Variants in GAL observed in about 807,000 individuals in gnomAD.
The protein encoded by GAL is galanin and GMAP prepropeptide, also known as galanin peptides.
In GAL, 14 loss-of-function variants were observed where a neutral mutation model predicts 15.8. The observed-to-expected ratio is 0.89, with a 90% CI of 0.59 to 1.39. The LOEUF (loss-of-function observed/expected upper bound fraction) is 1.39, where lower values mean the gene tolerates loss of function less well. GAL is among the 40% of genes most tolerant of loss of function. The probability of loss-of-function intolerance (pLI) is 0.00; values close to 1 mark genes in which losing one functional copy is unlikely to be tolerated. For missense variants in GAL, 176 were observed against 170.4 expected, an observed-to-expected ratio of 1.03 and a Z score of -0.18; for synonymous variants, 79 against 73.8, an observed-to-expected ratio of 1.07 and a Z score of -0.36.
At chr11:68,685,778 C>A in intron 3 of GAL, 130 bp downstream of exon 3, 1 of 708,454 alleles carries the variant, frequency 1.4e-6, no homozygotes, top group South Asian at 1.5e-5. Context: ...TTGCCCGTCT[C>A]CATTGCTCTG....
At chr11:68,690,896 A>ATGTG in intron 5 of GAL, 21 bp from the exon 6 acceptor site, 1 of 1,557,470 alleles carries the variant, frequency 6.4e-7, no homozygotes, top group Non-Finnish European at 8.9e-7. Flanking sequence ...TGCTGCTCAG[A>ATGTG]TGTGGCTCTT....
At chr11:68,687,056 T>A (rs1945860093) in intron 3 of GAL, among the ~76,000 whole-genome samples, 1 of 152,222 alleles carries the variant, frequency 6.6e-6, no homozygotes, top group African/African-American at 2.4e-5. Flanking sequence ...GCAATGTTTT[T>A]GCACCAGCTG....
At chr11:68,686,085 G>A (rs995205436) in intron 3 of GAL, among the ~76,000 whole-genome samples, 3 of 152,132 alleles carry the variant, frequency 2.0e-5, no homozygotes, top group Non-Finnish European at 4.4e-5. Context: ...GCCCAGACAG[G>A]CTCCCCTCAA....
chr11:68,689,395 C>T (rs1489460017), intron 5 of GAL, among the ~76,000 whole-genome samples: 2 of 148,806 alleles, frequency 1.3e-5, no homozygotes, highest in Non-Finnish European at 3.0e-5. Context: ...CTCCCTCTTT[C>T]TCTCTCTCTT....
Position 68,689,785 on chromosome 11 carries a change from G to C in GAL, c.301+859G>C, listed in dbSNP as rs544851691. ...TCTATGCAGCCTTCCTGCCAGGCAG[G>C]CTGCCTTGAAATCTAACTGGAAAGG... On this transcript the variant is annotated intron_variant, in intron 5 of 5. Transcript: ENST00000265643. Among the ~76,000 whole-genome samples, 56 of 152,350 alleles carry C rather than the reference G, an allele frequency of 3.7e-4. 1 individual carries two copies. The highest frequency in any genetic ancestry group is 3.5e-3 in the Admixed American group (54 of 15,308).
intron 4 of GAL, 57 bp from the exon 5 acceptor site, chr11:68,688,792 C>A: frequency 1.2e-6 from 1 of 846,496 alleles, no homozygotes; most frequent in Middle Eastern, 2.2e-4. Flanking sequence ...GGGGGATGAC[C>A]TGAGACACTG....
At chr11:68,685,050 C>A (rs1038198795) in intron 2 of GAL, 46 bp downstream of exon 2, 13 of 1,332,030 alleles carry the variant, frequency 9.8e-6, no homozygotes, top group Non-Finnish European at 1.3e-5. Context: ...ACATCAGAGC[C>A]GGCCGGGCGT....
chr11:68,688,499 G>T (rs1390519037), intron 4 of GAL, among the ~76,000 whole-genome samples: 3 of 152,170 alleles, frequency 2.0e-5, no homozygotes, highest in Non-Finnish European at 4.4e-5. Context: ...CGTGGTGGTG[G>T]GTGCCTGTCA....
At chr11:68,687,602 C>T (rs1319351403) in intron 3 of GAL, among the ~76,000 whole-genome samples, 1 of 152,158 alleles carries the variant, frequency 6.6e-6, no homozygotes, top group Non-Finnish European at 1.5e-5. Flanking sequence ...CTTCAGCGTC[C>T]CCCATGCTTT....
chr11:68,691,124 A>AT lies in GAL; in HGVS notation c.*149dup, dbSNP rs774668297. ...TGATGTTGTGTTGTTATCATTTAAGATTTTTTTTTTTTGGTAATTATTTTG... is the reference window on the plus strand; with the variant it reads ...TGATGTTGTGTTGTTATCATTTAAGATTTTTTTTTTTTTGGTAATTATTTTG... On this transcript the variant is annotated 3_prime_UTR_variant, in exon 6 of 6. Transcript: ENST00000265643. 0.033 allele frequency: 15,512 copies of AT among 468,538 alleles called. 8 individuals are homozygous for AT. The highest frequency in any genetic ancestry group is 0.084 in the East Asian group (2,282 of 27,104). 29.0% of individuals were successfully genotyped at this position (468,538 alleles called of 1,614,324 possible).
chr11:68,685,666 T>C lies in GAL; in HGVS notation c.136+18T>C, dbSNP rs960308302. On this transcript the variant is annotated intron_variant, in intron 3 of 5. Transcript: ENST00000265643. ...GGGCCCACGTAAGTGACTGACAGCATGGCCTCCCCACTCCTGACCCCACCT... is the reference window on the plus strand; with the variant it reads ...GGGCCCACGTAAGTGACTGACAGCACGGCCTCCCCACTCCTGACCCCACCT... The C allele has an allele frequency of 1.9e-6, 3 of 1,593,278 alleles. No individual in the cohort carries two copies. The highest frequency in any genetic ancestry group is 2.6e-6 in the Non-Finnish European group (3 of 1,161,502).
In GAL at chr11:68,685,853, C is replaced by T. The variant is rs557564546; in HGVS notation, c.136+205C>T. Among the ~76,000 whole-genome samples, 8 of 152,326 alleles carry T rather than the reference C, an allele frequency of 5.3e-5. No homozygotes were observed. The South Asian group carries it at 8.3e-4, about 16-fold the overall frequency. ...CTGCCCCGGCTCTGCCGCCCTGTCCCGGGGTGAGATTCCCACCCTGGGCTT... is the reference window on the plus strand; with the variant it reads ...CTGCCCCGGCTCTGCCGCCCTGTCCTGGGGTGAGATTCCCACCCTGGGCTT... On this transcript the variant is annotated intron_variant, in intron 3 of 5. Coordinates refer to ENST00000265643, the MANE Select transcript of GAL (RefSeq NM_015973.5).
chr11:68,687,052 T>G (rs1217322189), intron 3 of GAL, among the ~76,000 whole-genome samples: 2 of 152,164 alleles, frequency 1.3e-5, no homozygotes, highest in Admixed American at 1.3e-4. Flanking sequence ...AAAAGCAATG[T>G]TTTTGCACCA....
intron 3 of GAL, among the ~76,000 whole-genome samples, chr11:68,686,212 A>G (rs2153989773): frequency 6.6e-6 from 1 of 152,066 alleles, no homozygotes; most frequent in East Asian, 1.9e-4. Flanking sequence ...CTAGCCCTAG[A>G]TGGGACACTG....
At chr11:68,689,474 G>A (rs1945885880) in intron 5 of GAL, among the ~76,000 whole-genome samples, 1 of 151,480 alleles carries the variant, frequency 6.6e-6, no homozygotes, top group Non-Finnish European at 1.5e-5. Flanking sequence ...TCAGCTCACT[G>A]CAGCCTCTGC....
chr11:68,685,537 A>G, intron 2 of GAL, 57 bp from the exon 3 acceptor site: 2 of 1,247,974 alleles, frequency 1.6e-6, no homozygotes, highest in East Asian at 4.6e-5. Context: ...GGGTGCACCC[A>G]TTCAGCATAG....
intron 5 of GAL, 88 bp downstream of exon 5, chr11:68,689,014 C>T (rs2153989894): frequency 2.8e-6 from 2 of 718,236 alleles, no homozygotes; most frequent in South Asian, 3.0e-5. Context: ...ATAGAATCCC[C>T]CTGGGAAGTA....
intron 5 of GAL, 96 bp from the exon 6 acceptor site, chr11:68,690,821 G>C: frequency 1.2e-6 from 1 of 808,968 alleles, no homozygotes; most frequent in South Asian, 1.4e-5. Flanking sequence ...TACAGAGGAC[G>C]ACCACACGCC....
Position 68,684,928 on chromosome 11 carries a change from C to G in GAL, c.5C>G (p.Ala2Gly). Residue 2 changes from alanine (A) to glycine (G), a missense_variant, in exon 2 of 6, where the codon GCC (alanine) becomes GGC (glycine). Coordinates refer to ENST00000265643, the MANE Select transcript of GAL (RefSeq NM_015973.5). M[A>G]RGSALLLASL... is the part of the protein sequence containing the mutation. ...CGCCCTGTCCTTCCCTTCCAGATGG[C>G]CCGAGGCAGCGCCCTCCTGCTCGCC... 1.2e-6 allele frequency: 2 copies of G among 1,604,524 alleles called. No individual in the cohort carries two copies. The highest frequency in any genetic ancestry group is 1.7e-6 in the Non-Finnish European group (2 of 1,174,744).
Sources: gnomAD v4.1 joint callset for allele counts (sites outside exome capture counted in the v4.1 genomes callset) on GRCh38, gnomAD v4.1.1 for gene constraint, MANE v1.5 for transcripts, NCBI Gene and HGNC (gene_info 2026-07-23, HGNC 2026-07-21) for gene names.